ACTR3C: variants seen among roughly 807,000 people sequenced by gnomAD.
ACTR3C encodes the protein actin-related protein 3C.
In ACTR3C, 18 loss-of-function variants were observed where a neutral mutation model predicts 26.3. The observed-to-expected ratio is 0.68, with a 90% CI of 0.47 to 1.01. The LOEUF is 1.01. Among genes scored for constraint, ACTR3C ranks in the 50% least tolerant of loss-of-function variants. ACTR3C has a pLI of 0.00. For missense variants in ACTR3C, 184 were observed against 250.7 expected (o/e 0.73, Z 1.80); for synonymous variants, 55 against 94.5 (o/e 0.58, Z 2.42).
the ACTR3C span, among the ~76,000 whole-genome samples, chr7:150,089,568 C>T: frequency 2.6e-5 from 4 of 152,146 alleles, no homozygotes; most frequent in Non-Finnish European, 4.4e-5. Flanking sequence ...GATGATCAAC[C>T]AGCAAGGAAA....
At chr7:150,171,632 A>T in the ACTR3C span, among the ~76,000 whole-genome samples, 2 of 150,636 alleles carry the variant, frequency 1.3e-5, no homozygotes, top group Non-Finnish European at 2.9e-5. Context: ...ATAAAAGTTC[A>T]GGGTGGAAAT....
chr7:150,095,915 A>C, the ACTR3C span, among the ~76,000 whole-genome samples: 1 of 150,036 alleles, frequency 6.7e-6, no homozygotes, highest in Non-Finnish European at 1.5e-5. Context: ...TGACATATAA[A>C]CTACAGTCCA....
chr7:150,291,717 G>A (rs1836278012), intron 3 of ACTR3C, among the ~76,000 whole-genome samples: 1 of 151,660 alleles, frequency 6.6e-6, no homozygotes, highest in Non-Finnish European at 1.5e-5. Flanking sequence ...GCAGGCCAGG[G>A]GCCTACGGGG....
the ACTR3C span, among the ~76,000 whole-genome samples, chr7:150,163,431 T>C: frequency 6.6e-6 from 1 of 151,434 alleles, no homozygotes; most frequent in Non-Finnish European, 1.5e-5. Flanking sequence ...TCTGTTTGTA[T>C]ATATACATAT....
At chr7:150,182,978 T>G in the ACTR3C span, among the ~76,000 whole-genome samples, 1 of 150,998 alleles carries the variant, frequency 6.6e-6, no homozygotes, top group Non-Finnish European at 1.5e-5. Context: ...ATGCTAAGCA[T>G]AGCAAATACA....
chr7:150,178,747 T>C, the ACTR3C span, among the ~76,000 whole-genome samples: 1 of 150,756 alleles, frequency 6.6e-6, no homozygotes, highest in East Asian at 1.9e-4. Context: ...ATGTCATCGA[T>C]TGTGTAATTT....
At chr7:150,083,873 T>C in the ACTR3C span, among the ~76,000 whole-genome samples, 7 of 152,192 alleles carry the variant, frequency 4.6e-5, no homozygotes, top group Non-Finnish European at 1.0e-4. Context: ...GGGAAACACT[T>C]GTGCACTGTT....
chr7:150,169,466 G>A, the ACTR3C span, among the ~76,000 whole-genome samples: 1 of 149,850 alleles, frequency 6.7e-6, no homozygotes, highest in Non-Finnish European at 1.5e-5. Flanking sequence ...ATACACATGA[G>A]GTGGCCGCCT....
the ACTR3C span, among the ~76,000 whole-genome samples, chr7:150,185,732 C>T: frequency 6.6e-6 from 1 of 151,762 alleles, no homozygotes; most frequent in Non-Finnish European, 1.5e-5. Flanking sequence ...ACAGGGAAAA[C>T]TATTCTCCTA....
the ACTR3C span, among the ~76,000 whole-genome samples, chr7:150,006,411 A>C: frequency 4.1e-5 from 6 of 146,874 alleles, no homozygotes; most frequent in Non-Finnish European, 7.5e-5. Context: ...GTTAGCCAGG[A>C]TGGTCTCGAT....
chr7:150,222,959 T>C, the ACTR3C span, among the ~76,000 whole-genome samples: 23 of 152,260 alleles, frequency 1.5e-4, no homozygotes, highest in Non-Finnish European at 1.0e-4. Context: ...TGCCATCTCC[T>C]TTTTTAAAAA....
At chr7:150,157,758 A>T in the ACTR3C span, among the ~76,000 whole-genome samples, 1 of 152,216 alleles carries the variant, frequency 6.6e-6, no homozygotes, top group Non-Finnish European at 1.5e-5. Context: ...CATTCACAAG[A>T]CTATGAACTG....
At chr7:150,051,036 G>A in the ACTR3C span, among the ~76,000 whole-genome samples, 7 of 147,432 alleles carry the variant, frequency 4.7e-5, no homozygotes, top group Non-Finnish European at 1.0e-4. Context: ...CCCGGGAGGC[G>A]GAGGTTGCAA....
chr7:150,241,053 G>T (rs898716822), downstream of ACTR3C, among the ~76,000 whole-genome samples: 53 of 151,634 alleles, frequency 3.5e-4, no homozygotes, highest in African/African-American at 1.3e-3. Context: ...ATTAAAGAAA[G>T]CTAATTAAAT....
At chr7:150,024,936 G>A in the ACTR3C span, among the ~76,000 whole-genome samples, 68 of 151,992 alleles carry the variant, frequency 4.5e-4, 1 homozygote, top group African/African-American at 1.5e-3. Context: ...GCAGCAAAGC[G>A]CAGGCGGCTT....
chr7:150,020,904 T>C, the ACTR3C span, among the ~76,000 whole-genome samples: 1 of 152,164 alleles, frequency 6.6e-6, no homozygotes, highest in East Asian at 1.9e-4. Flanking sequence ...CACTGCAACC[T>C]CCGCCTCCCA....
intron 6 of ACTR3C, among the ~76,000 whole-genome samples, chr7:150,267,012 T>C (rs554235239): frequency 5.3e-5 from 8 of 152,314 alleles, no homozygotes; most frequent in African/African-American, 1.2e-4. Context: ...TAAAACATAT[T>C]CAGCAGACAC....
chr7:149,954,069 T>C, the ACTR3C span, among the ~76,000 whole-genome samples: 1 of 144,984 alleles, frequency 6.9e-6, no homozygotes, highest in Non-Finnish European at 1.5e-5. Context: ...AGTTTTTATG[T>C]AATTTTTGTT....
the ACTR3C span, among the ~76,000 whole-genome samples, chr7:150,038,664 C>T: frequency 8.9e-3 from 1,288 of 144,832 alleles, 232 homozygotes; most frequent in African/African-American, 0.031. Flanking sequence ...CACGTAAGGT[C>T]GGAAGATTTG....
Sources: allele counts gnomAD v4.1 joint callset (sites outside exome capture counted in the v4.1 genomes callset), GRCh38; gene constraint gnomAD v4.1.1; transcripts MANE v1.5; gene names NCBI Gene and HGNC (gene_info 2026-07-23, HGNC 2026-07-21).